Variants in ABHD6 observed in about 807,000 individuals in gnomAD.
ABHD6 encodes abhydrolase domain containing 6, acylglycerol lipase, also known as monoacylglycerol lipase ABHD6.
A neutral mutation model predicts 38.8 loss-of-function variants in ABHD6; 33 were observed. The ratio of observed to expected loss-of-function variants is 0.85; its 90% CI spans 0.64 to 1.14. The LOEUF is 1.14. Among genes scored for constraint, ABHD6 ranks in the 50% most tolerant of loss-of-function variants. The probability of loss-of-function intolerance (pLI) is 0.00; values close to 1 mark genes in which losing one functional copy is unlikely to be tolerated. For synonymous variants in ABHD6, 147 were observed against 161.6 expected (o/e 0.91, Z 0.69); for missense variants, 380 against 422.6 (o/e 0.90, Z 0.88).
chr3:58,273,903 AT>A lies in ABHD6; in HGVS notation c.524-754del, dbSNP rs1458971744. ...ACTTAAAGTAAAAAAAGAAAAAAAA[AT>A]CTAATTATTTGGCTAAGCTAAATGC... On this transcript the variant is annotated intron_variant, in intron 6 of 9. Coordinates refer to ENST00000478253, the MANE Select transcript of ABHD6 (RefSeq NM_001320126.2). This position sits in a 1 kb window ranked among gnomAD's most constrained non-coding sequence, Gnocchi z 4.8. Among the ~76,000 whole-genome samples the A allele has an allele frequency of 6.6e-6, 1 of 152,226 alleles. No homozygotes were observed. The highest frequency in any genetic ancestry group is 2.4e-5 in the African/African-American group (1 of 41,454).
At chr3:58,262,690 G>C (rs2107444698) in intron 3 of ABHD6, among the ~76,000 whole-genome samples, 1 of 152,144 alleles carries the variant, frequency 6.6e-6, no homozygotes, top group African/African-American at 2.4e-5. Flanking sequence ...TTTCCATCTG[G>C]GCCATGGGTC....
At chr3:58,249,789 G>A (rs2097428760) in intron 1 of ABHD6, 89 bp from the exon 2 acceptor site, 1 of 152,200 alleles carries the variant, frequency 6.6e-6, no homozygotes, top group South Asian at 2.1e-4. Context: ...CACCTTCACT[G>A]AAGCCAGCAA....
In ABHD6 at chr3:58,259,393, T is replaced by C. The variant is rs2097435473; in HGVS notation, c.119+2688T>C. Among the ~76,000 whole-genome samples the C allele has an allele frequency of 6.6e-6, 1 of 152,130 alleles. No homozygotes were observed. The highest frequency in any genetic ancestry group is 1.5e-5 in the Non-Finnish European group (1 of 68,002). On this transcript the variant is annotated intron_variant, in intron 3 of 9. Transcript: ENST00000478253. The surrounding 1 kb of genome is among the most constrained non-coding windows in gnomAD (Gnocchi z 4.7). The stretch of plus-strand genomic sequence containing the variant: ...AAAGTCACCATTTTAAAGTGTACAA[T>C]TCAAGGCTGGGCACGATGGCTCACA...
chr3:58,286,848 G>GTATATA (rs60071781), intron 9 of ABHD6, among the ~76,000 whole-genome samples: 5 of 70,060 alleles, frequency 7.1e-5, no homozygotes, highest in African/African-American at 1.7e-4. Flanking sequence ...GTGTGTGTGT[G>GTATATA]TGTGTATATA....
intron 3 of ABHD6, among the ~76,000 whole-genome samples, chr3:58,260,860 T>C (rs747965283): frequency 7.2e-5 from 11 of 152,178 alleles, no homozygotes; most frequent in Non-Finnish European, 1.0e-4. Flanking sequence ...TCTCAGCTCC[T>C]CAGGGAACAA....
chr3:58,279,119 G>C (rs901071461), intron 7 of ABHD6, among the ~76,000 whole-genome samples: 1 of 152,290 alleles, frequency 6.6e-6, no homozygotes, highest in East Asian at 1.9e-4. Context: ...TATTAGGTCT[G>C]CTTGGTGCAG....
intron 1 of ABHD6, among the ~76,000 whole-genome samples, chr3:58,248,284 G>T (rs1340538026): frequency 6.6e-6 from 1 of 152,114 alleles, no homozygotes; most frequent in African/African-American, 2.4e-5. Flanking sequence ...TTAACTATAA[G>T]TTCACTATAT....
chr3:58,281,308 G>A (rs1037635593), intron 7 of ABHD6, among the ~76,000 whole-genome samples: 5 of 152,182 alleles, frequency 3.3e-5, no homozygotes, highest in African/African-American at 9.7e-5. Context: ...AATGGCAGAC[G>A]CCCCTCCCCC....
chr3:58,261,391 G>A lies in ABHD6; in HGVS notation c.119+4686G>A, dbSNP rs116781516. On this transcript the variant is annotated intron_variant, in intron 3 of 9. Coordinates refer to ENST00000478253, the MANE Select transcript of ABHD6 (RefSeq NM_001320126.2). ...CATGCTTGTAATTTCAGCACTTTGG[G>A]AGGCAGAGGTGGGCGATTGCTTGAG... Among the ~76,000 whole-genome samples the A allele has an allele frequency of 1.8e-3, 269 of 152,276 alleles. 3 individuals carry two copies. Among genetic ancestry groups the A allele is most frequent in the African/African-American group, 5.8e-3 (240 of 41,552 alleles).
At chr3:58,255,676 G>A (rs2097432758) in intron 2 of ABHD6, among the ~76,000 whole-genome samples, 1 of 151,490 alleles carries the variant, frequency 6.6e-6, no homozygotes, top group Non-Finnish European at 1.5e-5. Context: ...TTGAGATAGA[G>A]TCTTGTTGCC....
chr3:58,239,019 G>T (rs1168780210), intron 1 of ABHD6, among the ~76,000 whole-genome samples: 1 of 151,944 alleles, frequency 6.6e-6, no homozygotes, highest in Non-Finnish European at 1.5e-5. Flanking sequence ...AGGTACCACC[G>T]CTGTGCCCAT....
chr3:58,288,780 A>T (rs1050635589), intron 9 of ABHD6, among the ~76,000 whole-genome samples: 3 of 152,192 alleles, frequency 2.0e-5, no homozygotes, highest in African/African-American at 7.2e-5. Context: ...AACAGGCCCG[A>T]GACAAGGGTG....
chr3:58,264,388 CACACACACACACA>C (rs1393995610), intron 3 of ABHD6, among the ~76,000 whole-genome samples: 1 of 1,640 alleles, frequency 6.1e-4, no homozygotes, highest in Non-Finnish European at 1.2e-3. Flanking sequence ...TATATAAACG[CACACACACACACA>C]CACACACACA....
rs752165405 is a variant in ABHD6, at chr3:58,293,750, C to A, written c.999C>A (p.Asn333Lys). Residue 333 changes from asparagine (N) to lysine (K), a missense_variant, in exon 10 of 10, where the codon AAC becomes AAA. Coordinates refer to ENST00000478253, the MANE Select transcript of ABHD6 (RefSeq NM_001320126.2). This position sits in a 1 kb window ranked among gnomAD's most constrained non-coding sequence, Gnocchi z 4.4. ...FLASVHNTDN[N>K]KKLD ...CTTCTGTGCACAACACAGACAACAA[C>A]AAGAAGCTGGACTGAGGCCCCGACT... The A allele has an allele frequency of 6.2e-7, 1 of 1,614,030 alleles. No homozygotes were observed. Among genetic ancestry groups the A allele is most frequent in the African/African-American group, 1.3e-5 (1 of 74,926 alleles).
rs1316570571 is a variant in ABHD6, at chr3:58,285,479, C to T, written c.837+26C>T. The T allele has an allele frequency of 6.3e-7, 1 of 1,591,574 alleles. No individual in the cohort carries two copies. The highest frequency in any genetic ancestry group is 2.2e-5 in the East Asian group (1 of 44,756). ...GTATGTAACACATCCCCGCGGCAGT[C>T]TGTGCTGGTCACCAGGGCCTCTGAG... On this transcript the variant is annotated intron_variant, in intron 9 of 9. Transcript: ENST00000478253. This position sits in a 1 kb window ranked among gnomAD's most constrained non-coding sequence, Gnocchi z 4.9.
intron 2 of ABHD6, among the ~76,000 whole-genome samples, chr3:58,253,166 GGT>G (rs1491256640): frequency 4.1e-5 from 3 of 72,664 alleles, no homozygotes; most frequent in African/African-American, 2.5e-4. Context: ...AGCACAGAGG[GGT>G]TTTTTTTTTT....
intron 9 of ABHD6, among the ~76,000 whole-genome samples, chr3:58,292,238 CAGTG>C (rs2097463789): frequency 6.6e-6 from 1 of 152,176 alleles, no homozygotes; most frequent in South Asian, 2.1e-4. Flanking sequence ...CTTAACTCCC[CAGTG>C]GGCAGAAAAT....
rs1026857411 is a variant in ABHD6, at chr3:58,263,583, C to A, written c.120-3606C>A. Among the ~76,000 whole-genome samples the A allele has an allele frequency of 1.3e-5, 2 of 152,180 alleles. No homozygotes were observed. Among genetic ancestry groups the A allele is most frequent in the South Asian group, 4.1e-4 (2 of 4,830 alleles). ...CCTTCCAACCCTGTGTCTCTTCATT[C>A]TGGTTCAAGTCATACTTGGCTCTCC... On this transcript the variant is annotated intron_variant, in intron 3 of 9. Transcript: ENST00000478253. This position sits in a 1 kb window ranked among gnomAD's most constrained non-coding sequence, Gnocchi z 4.9.
intron 1 of ABHD6, among the ~76,000 whole-genome samples, chr3:58,243,805 T>C (rs1476386900): frequency 2.0e-5 from 3 of 151,940 alleles, no homozygotes; most frequent in Admixed American, 1.3e-4. Context: ...GGACGACAGG[T>C]GTGTGCCACC....
Sources: allele counts gnomAD v4.1 joint callset (sites outside exome capture counted in the v4.1 genomes callset), GRCh38; gene constraint gnomAD v4.1.1; non-coding constraint Gnocchi (gnomAD v3.1); transcripts MANE v1.5; gene names NCBI Gene and HGNC (gene_info 2026-07-23, HGNC 2026-07-21).